GPHN: variants seen among roughly 807,000 people sequenced by gnomAD.
The protein encoded by GPHN is gephyrin.
Under a neutral mutation model 95.5 loss-of-function variants are expected in GPHN, and 17 were observed. The ratio of observed to expected loss-of-function variants is 0.18; its 90% confidence interval spans 0.12 to 0.27. GPHN has a LOEUF of 0.27. Among genes scored for constraint, GPHN ranks in the 10% least tolerant of loss-of-function variants. The pLI, the probability that GPHN is intolerant of heterozygous loss-of-function variation, is 1.00. For synonymous variants in GPHN, 320 were observed against 322.5 expected, an observed-to-expected ratio of 0.99 and a Z score of 0.08; for missense variants, 660 against 978.1, an observed-to-expected ratio of 0.67 and a Z score of 4.34.
At chr14:67,280,316 G>T in the GPHN span, among the ~76,000 whole-genome samples, 1 of 152,210 alleles carries the variant, frequency 6.6e-6, no homozygotes, top group Non-Finnish European at 1.5e-5. Flanking sequence ...CACTGAACTA[G>T]TGTTAGGAGA....
chr14:67,549,497 C>T, the GPHN span, among the ~76,000 whole-genome samples: 1 of 152,134 alleles, frequency 6.6e-6, no homozygotes, highest in Non-Finnish European at 1.5e-5. Context: ...TCTTGAACTC[C>T]AGACCTCAAG....
chr14:67,246,851 C>G, the GPHN span, among the ~76,000 whole-genome samples: 1 of 152,102 alleles, frequency 6.6e-6, no homozygotes, highest in Middle Eastern at 3.4e-3. Flanking sequence ...GGGGTTTCAC[C>G]GTGTTGGCCA....
intron 6 of GPHN, 49 bp from the exon 7 acceptor site, chr14:66,922,617 A>C (rs1178694487): frequency 6.8e-7 from 1 of 1,477,182 alleles, no homozygotes; most frequent in South Asian, 1.2e-5. Flanking sequence ...ATCTTATATA[A>C]TTACAAAAGT....
At chr14:67,484,039 G>A in the GPHN span, among the ~76,000 whole-genome samples, 5 of 152,326 alleles carry the variant, frequency 3.3e-5, no homozygotes, top group South Asian at 8.3e-4. Flanking sequence ...TGGCTGCCTT[G>A]CTGTTACCAT....
chr14:67,727,048 T>C, the GPHN span: 1 of 1,613,992 alleles, frequency 6.2e-7, no homozygotes, highest in Non-Finnish European at 8.5e-7. Flanking sequence ...GGGTGGTTAA[T>C]GTGTCCTCGG....
intron 1 of GPHN, among the ~76,000 whole-genome samples, chr14:66,574,127 A>G: frequency 6.6e-6 from 1 of 152,044 alleles, no homozygotes. Context: ...ATTTTTCTGT[A>G]GTAGTATGCT....
the GPHN span, among the ~76,000 whole-genome samples, chr14:67,329,376 G>A: frequency 1.3e-5 from 2 of 152,076 alleles, no homozygotes; most frequent in Admixed American, 6.5e-5. Flanking sequence ...GGAGATTTTG[G>A]GCTGAGACGA....
intron 2 of GPHN, among the ~76,000 whole-genome samples, chr14:66,774,253 C>T (rs568151149): frequency 2.6e-5 from 4 of 152,054 alleles, no homozygotes; most frequent in Admixed American, 6.5e-5. Flanking sequence ...CCGCCCGCCT[C>T]GGGCTCCCAA....
At chr14:67,058,935 C>T (rs574604120) in intron 11 of GPHN, 149 bp downstream of exon 11, 100 of 754,484 alleles carry the variant, frequency 1.3e-4, no homozygotes, top group African/African-American at 1.3e-3. Flanking sequence ...TATTTCTACT[C>T]AATAAGAAAA....
At chr14:66,997,711 C>T (rs895169629) in intron 9 of GPHN, among the ~76,000 whole-genome samples, 8 of 152,160 alleles carry the variant, frequency 5.3e-5, no homozygotes, top group African/African-American at 1.7e-4. Flanking sequence ...AATAGAATTG[C>T]AGCTATCTTC....
At chr14:66,697,690 C>CTTTTTT (rs2068200622) in intron 2 of GPHN, among the ~76,000 whole-genome samples, 1 of 67,190 alleles carries the variant, frequency 1.5e-5, no homozygotes. Flanking sequence ...TTTCTTTTTT[C>CTTTTTT]TTTTCTTTTT....
chr14:66,869,742 A>G (rs1342151083), intron 4 of GPHN, among the ~76,000 whole-genome samples: 3 of 152,204 alleles, frequency 2.0e-5, no homozygotes, highest in African/African-American at 7.2e-5. Flanking sequence ...GCTAACATGT[A>G]TTGAATACCT....
At chr14:67,390,641 T>G in the GPHN span, 23,354 of 1,551,616 alleles carry the variant, frequency 0.015, 214 homozygotes, top group Non-Finnish European at 0.018. Context: ...GGGACCAACA[T>G]GGAGCCAGCA....
chr14:67,162,128 AT>A (rs1567429835), intron 19 of GPHN, among the ~76,000 whole-genome samples: 5 of 152,244 alleles, frequency 3.3e-5, no homozygotes, highest in Non-Finnish European at 7.3e-5. Flanking sequence ...GCCATGCATA[AT>A]AACAAAATAT....
chr14:67,474,969 G>T, the GPHN span, among the ~76,000 whole-genome samples: 1 of 143,008 alleles, frequency 7.0e-6, no homozygotes, highest in Non-Finnish European at 1.5e-5. Flanking sequence ...AGGCTGGAGT[G>T]CAGTGGCGCA....
At chr14:67,606,584 A>T in the GPHN span, among the ~76,000 whole-genome samples, 1 of 152,110 alleles carries the variant, frequency 6.6e-6, no homozygotes, top group African/African-American at 2.4e-5. Context: ...TTATGTAACT[A>T]TTTTTTTATG....
chr14:67,733,732 TC>T, the GPHN span: 10 of 1,582,040 alleles, frequency 6.3e-6, no homozygotes, highest in Non-Finnish European at 6.9e-6. Flanking sequence ...TTACTGTCTT[TC>T]TCTGCCCTCC....
chr14:66,724,470 C>G (rs996555828), intron 2 of GPHN, among the ~76,000 whole-genome samples: 1 of 152,042 alleles, frequency 6.6e-6, no homozygotes, highest in African/African-American at 2.4e-5. Context: ...TCAGCAGACC[C>G]CCTGAAGCCC....
At chr14:67,192,078 C>T in the GPHN span, among the ~76,000 whole-genome samples, 1 of 152,212 alleles carries the variant, frequency 6.6e-6, no homozygotes, top group Admixed American at 6.5e-5. Context: ...AATAAAACTC[C>T]ATTCTTTGTG....
Sources: gnomAD v4.1 joint callset for allele counts (sites outside exome capture counted in the v4.1 genomes callset) on GRCh38, gnomAD v4.1.1 for gene constraint, MANE v1.5 for transcripts, NCBI Gene and HGNC (gene_info 2026-07-23, HGNC 2026-07-21) for gene names.